Variants in ARMC2 observed in about 807,000 individuals in gnomAD.
The protein encoded by ARMC2 is armadillo repeat containing 2, also known as armadillo repeat-containing protein 2.
A neutral mutation model predicts 90.3 loss-of-function variants in ARMC2; 67 were observed. The observed-to-expected ratio is 0.74, with a 90% confidence interval of 0.61 to 0.91. ARMC2 has a LOEUF of 0.91. Ranked by LOEUF, ARMC2 falls within the 40% of genes least tolerant of loss-of-function variation. The pLI is 0.00. For missense variants in ARMC2, 920 were observed against 1,030.9 expected (o/e 0.89, Z 1.47); for synonymous variants, 393 against 393.0 (o/e 1.00, Z 0.00).
chr6:108,890,950 CTG>C (rs1170458640), intron 5 of ARMC2, among the ~76,000 whole-genome samples: 3 of 145,800 alleles, frequency 2.1e-5, no homozygotes, highest in Non-Finnish European at 3.0e-5. Flanking sequence ...GTGCCCCTCT[CTG>C]TGTTCATGTG....
rs768113010 is a variant in ARMC2 at position 108,858,295 on chromosome 6, G to A, written c.291+24G>A. The A allele has an allele frequency of 5.1e-6, 8 of 1,554,692 alleles. No individual in the cohort carries two copies. In the South Asian group the frequency reaches 8.0e-5, roughly 16 times the overall value. Reference sequence around the variant, plus strand: ...TGGTGAGTACTTTGTATAACCACCAGTAATTTATATTATGTTGTGAAATGA... The same window carrying A: ...TGGTGAGTACTTTGTATAACCACCAATAATTTATATTATGTTGTGAAATGA... On this transcript the variant is annotated intron_variant, in intron 3 of 17. Transcript: ENST00000392644.
At chr6:108,961,132 C>T (rs746645743) in intron 13 of ARMC2, among the ~76,000 whole-genome samples, 7 of 152,236 alleles carry the variant, frequency 4.6e-5, no homozygotes, top group South Asian at 2.1e-4. Context: ...TAGTCACAGA[C>T]GGATCGTGAC....
the ARMC2 span, chr6:108,994,600 A>G: frequency 6.2e-7 from 1 of 1,611,310 alleles, no homozygotes; most frequent in Non-Finnish European, 8.5e-7. Flanking sequence ...TCAAAGAAAG[A>G]ATCACTTACC....
At chr6:109,029,898 G>A in the ARMC2 span, among the ~76,000 whole-genome samples, 1 of 152,182 alleles carries the variant, frequency 6.6e-6, no homozygotes, top group Non-Finnish European at 1.5e-5. Flanking sequence ...ATCTAATTAC[G>A]TTATATTTTG....
intron 3 of ARMC2, among the ~76,000 whole-genome samples, chr6:108,865,343 T>C (rs1428748173): frequency 6.6e-6 from 1 of 152,246 alleles, no homozygotes; most frequent in Non-Finnish European, 1.5e-5. Context: ...ATTCAAATTT[T>C]ATAAGAGAAA....
At chr6:108,925,969 T>C (rs879732889) in intron 10 of ARMC2, among the ~76,000 whole-genome samples, 7 of 152,314 alleles carry the variant, frequency 4.6e-5, no homozygotes, top group Admixed American at 1.3e-4. Flanking sequence ...AAACTTGAGC[T>C]GTCTAAACTT....
At chr6:109,042,898 C>T in the ARMC2 span, among the ~76,000 whole-genome samples, 2 of 151,406 alleles carry the variant, frequency 1.3e-5, no homozygotes, top group Non-Finnish European at 2.9e-5. Context: ...AAAGACAATA[C>T]AAAAAAAGAA....
At chr6:109,007,785 CTT>C in the ARMC2 span, among the ~76,000 whole-genome samples, 8,071 of 103,114 alleles carry the variant, frequency 0.078, 306 homozygotes, top group African/African-American at 0.2. Context: ...AGTCCAGGTA[CTT>C]TTTTTTTTTT....
intron 13 of ARMC2, among the ~76,000 whole-genome samples, chr6:108,957,599 A>G (rs1777691788): frequency 1.3e-5 from 2 of 152,006 alleles, no homozygotes; most frequent in South Asian, 4.2e-4. Flanking sequence ...TTCCCTAGTC[A>G]TGTGGGAAGG....
intron 12 of ARMC2, among the ~76,000 whole-genome samples, chr6:108,945,018 G>A (rs1398460951): frequency 6.6e-6 from 1 of 152,114 alleles, no homozygotes; most frequent in Non-Finnish European, 1.5e-5. Context: ...GCTTAATGCC[G>A]TATGAAAGCT....
chr6:109,036,882 A>G, the ARMC2 span, among the ~76,000 whole-genome samples: 6 of 152,256 alleles, frequency 3.9e-5, no homozygotes, highest in Non-Finnish European at 8.8e-5. Flanking sequence ...AAACAGTCGT[A>G]AATCTGAGAG....
chr6:108,998,686 G>A, the ARMC2 span: 1 of 1,613,836 alleles, frequency 6.2e-7, no homozygotes, highest in South Asian at 1.1e-5. Context: ...GAATGATAGT[G>A]TGTGAGTAAA....
In ARMC2 at chr6:108,882,021, C is replaced by CA. The variant is rs978080936; in HGVS notation, c.671+5679dup. ...GAGCTTAGATATATAAGGAACATAG[C>CA]AAAAAAAAGATGAAGGAAGTGGATC... On this transcript the variant is annotated intron_variant, in intron 5 of 17. Coordinates refer to ENST00000392644, the MANE Select transcript of ARMC2 (RefSeq NM_032131.6). Among the ~76,000 whole-genome samples the CA allele has an allele frequency of 4.3e-3, 639 of 149,936 alleles. 3 individuals are homozygous for CA. Among genetic ancestry groups the CA allele is most frequent in the African/African-American group, 0.015 (597 of 40,856 alleles).
the ARMC2 span, among the ~76,000 whole-genome samples, chr6:109,002,934 GT>G: frequency 5.3e-5 from 8 of 151,540 alleles, no homozygotes; most frequent in Non-Finnish European, 1.0e-4. Flanking sequence ...CTTAAATTAA[GT>G]TTTTTTTTAT....
chr6:108,928,700 A>G (rs1775293322), intron 11 of ARMC2, among the ~76,000 whole-genome samples: 1 of 152,210 alleles, frequency 6.6e-6, no homozygotes, highest in African/African-American at 2.4e-5. Context: ...AGTCAAGTCT[A>G]CACTTACTTT....
chr6:108,864,817 A>G (rs573631017), intron 3 of ARMC2, among the ~76,000 whole-genome samples: 1 of 151,978 alleles, frequency 6.6e-6, no homozygotes, highest in South Asian at 2.1e-4. Context: ...CGTTCTATGT[A>G]TTGTGTCTTC....
chr6:109,009,545 G>A, the ARMC2 span: 3 of 1,037,110 alleles, frequency 2.9e-6, no homozygotes, highest in Non-Finnish European at 3.4e-6. Context: ...GCCTCAGTCA[G>A]CACGGACGGC....
the ARMC2 span, chr6:108,990,804 A>G: frequency 3.1e-6 from 5 of 1,614,072 alleles, no homozygotes; most frequent in Non-Finnish European, 3.4e-6. Context: ...GCGATTTACC[A>G]AAGAATAACC....
At chr6:108,987,426 A>G in the ARMC2 span, 1 of 579,040 alleles carries the variant, frequency 1.7e-6, no homozygotes, top group Non-Finnish European at 3.1e-6. Flanking sequence ...TAAAGGAATC[A>G]TGGCACAATG....
Sources: gnomAD v4.1 joint callset for allele counts (sites outside exome capture counted in the v4.1 genomes callset) on GRCh38, gnomAD v4.1.1 for gene constraint, MANE v1.5 for transcripts, NCBI Gene and HGNC (gene_info 2026-07-23, HGNC 2026-07-21) for gene names.